The following RFPL1 variants were observed in gnomAD, a reference collection of about 807,000 sequenced individuals.
RFPL1 encodes ret finger protein-like 1.
Under a neutral mutation model 9.6 loss-of-function variants are expected in RFPL1, and 6 were observed. The ratio of observed to expected loss-of-function variants is 0.62; its 90% CI spans 0.34 to 1.23. The LOEUF is 1.23. Among genes scored for constraint, RFPL1 ranks in the 50% most tolerant of loss-of-function variants. The pLI is 0.03. For missense variants in RFPL1, 352 were observed against 398.4 expected (o/e 0.88, Z 0.99); for synonymous variants, 145 against 149.4 (o/e 0.97, Z 0.22).
chr22:29,401,384 G>T, the RFPL1 span, among the ~76,000 whole-genome samples: 54,063 of 151,486 alleles, frequency 0.36, 11,371 homozygotes, highest in African/African-American at 0.57. Flanking sequence ...GCCTACAGAG[G>T]TTTATATCCA....
At chr22:29,399,881 T>A in the RFPL1 span, among the ~76,000 whole-genome samples, 1 of 152,196 alleles carries the variant, frequency 6.6e-6, no homozygotes, top group Non-Finnish European at 1.5e-5. Flanking sequence ...ACTTTTGTGA[T>A]GCACCTATTC....
At chr22:29,393,215 G>A in the RFPL1 span, among the ~76,000 whole-genome samples, 4 of 152,198 alleles carry the variant, frequency 2.6e-5, no homozygotes, top group Admixed American at 6.5e-5. Context: ...TGTGTGAAGC[G>A]CCTCTGCATA....
chr22:29,398,674 T>C, the RFPL1 span, among the ~76,000 whole-genome samples: 1 of 152,254 alleles, frequency 6.6e-6, no homozygotes, highest in African/African-American at 2.4e-5. Context: ...AAGGAGGCAA[T>C]GCACTATGCG....
chr22:29,410,463 T>TGTAG, the RFPL1 span, among the ~76,000 whole-genome samples: 1 of 97,588 alleles, frequency 1.0e-5, no homozygotes, highest in Non-Finnish European at 1.8e-5. Context: ...GATATATATA[T>TGTAG]CTATATATAG....
exon 2 of RFPL1, chr22:29,441,559 G>A: frequency 6.2e-7 from 1 of 1,602,842 alleles, no homozygotes; most frequent in Non-Finnish European, 8.5e-7. Flanking sequence ...GACCTTGGAT[G>A]CCGACACAGC....
chr22:29,436,242 T>C (rs143246130), upstream of RFPL1, among the ~76,000 whole-genome samples: 3 of 152,128 alleles, frequency 2.0e-5, no homozygotes, highest in East Asian at 5.8e-4. Context: ...ATATGGTCAC[T>C]TGTACATGAT....
chr22:29,421,912 T>C, the RFPL1 span, among the ~76,000 whole-genome samples: 1 of 152,152 alleles, frequency 6.6e-6, no homozygotes, highest in Admixed American at 6.5e-5. Context: ...TGGTAGGTTC[T>C]CAGTAAAAAC....
the RFPL1 span, among the ~76,000 whole-genome samples, chr22:29,426,103 G>C: frequency 6.6e-6 from 1 of 151,972 alleles, no homozygotes; most frequent in South Asian, 2.1e-4. Context: ...CGGGCGGATC[G>C]CCTGAGGTCA....
chr22:29,435,919 T>A (rs1268112943), upstream of RFPL1, among the ~76,000 whole-genome samples: 2 of 152,192 alleles, frequency 1.3e-5, no homozygotes, highest in Non-Finnish European at 1.5e-5. Flanking sequence ...GAGGACATTA[T>A]GTTAAGCAAA....
exon 1 of RFPL1, chr22:29,439,100 C>G: frequency 6.2e-7 from 1 of 1,614,134 alleles, no homozygotes; most frequent in African/African-American, 1.3e-5. Context: ...CTTCCCACAT[C>G]AAGGAACTGG....
exon 2 of RFPL1, chr22:29,441,857 C>T (rs542404003): frequency 5.1e-5 from 83 of 1,613,906 alleles, no homozygotes; most frequent in African/African-American, 6.7e-5. Context: ...TCTGCCAGCA[C>T]GGTGCCGCTG....
upstream of RFPL1, chr22:29,437,739 A>G: frequency 6.3e-7 from 1 of 1,582,670 alleles, no homozygotes; most frequent in Non-Finnish European, 8.5e-7. Context: ...AGGTGAGCCC[A>G]TGCCTGTGTG....
At chr22:29,399,787 T>C in the RFPL1 span, among the ~76,000 whole-genome samples, 15 of 152,182 alleles carry the variant, frequency 9.9e-5, no homozygotes, top group Non-Finnish European at 1.6e-4. Context: ...CAACTACATA[T>C]ACTTTTATTC....
At chr22:29,426,378 C>T in the RFPL1 span, among the ~76,000 whole-genome samples, 1 of 151,770 alleles carries the variant, frequency 6.6e-6, no homozygotes, top group South Asian at 2.1e-4. Context: ...TATTTTTTGT[C>T]CATATTTTTA....
At chr22:29,403,184 T>C in the RFPL1 span, among the ~76,000 whole-genome samples, 1 of 152,116 alleles carries the variant, frequency 6.6e-6, no homozygotes, top group African/African-American at 2.4e-5. Context: ...TATTTGTTTT[T>C]AAAAATAAAT....
chr22:29,419,825 A>T, the RFPL1 span, among the ~76,000 whole-genome samples: 177 of 151,954 alleles, frequency 1.2e-3, no homozygotes, highest in African/African-American at 4.1e-3. Flanking sequence ...AAGAAAAGAA[A>T]AAAAAAGAAA....
At chr22:29,431,477 A>G in the RFPL1 span, among the ~76,000 whole-genome samples, 1 of 152,152 alleles carries the variant, frequency 6.6e-6, no homozygotes, top group Non-Finnish European at 1.5e-5. Flanking sequence ...CCTTTCAGCT[A>G]CTTAGGAGGG....
At chr22:29,409,564 G>A in the RFPL1 span, among the ~76,000 whole-genome samples, 1 of 152,156 alleles carries the variant, frequency 6.6e-6, no homozygotes, top group Non-Finnish European at 1.5e-5. Flanking sequence ...CTGTCACTAT[G>A]TTCTCCTAGA....
the RFPL1 span, among the ~76,000 whole-genome samples, chr22:29,410,573 G>GTAGATATATCTATCTATATA: frequency 2.3e-5 from 1 of 43,518 alleles, no homozygotes; most frequent in African/African-American, 1.2e-4. Flanking sequence ...TATATATATT[G>GTAGATATATCTATCTATATA]TAGATATATC....
Sources: gnomAD v4.1 joint callset for allele counts (sites outside exome capture counted in the v4.1 genomes callset) on GRCh38, gnomAD v4.1.1 for gene constraint, MANE v1.5 for transcripts, NCBI Gene and HGNC (gene_info 2026-07-23, HGNC 2026-07-21) for gene names.